ROBO1: variants seen among roughly 807,000 people sequenced by gnomAD.
ROBO1 encodes roundabout guidance receptor 1.
A neutral mutation model predicts 195.9 loss-of-function variants in ROBO1; 149 were observed. The observed-to-expected ratio is 0.76, with a 90% CI of 0.67 to 0.87. The LOEUF (loss-of-function observed/expected upper bound fraction) is 0.87, where lower values mean the gene tolerates loss of function less well. ROBO1 is among the 40% of genes least tolerant of loss of function. ROBO1 has a pLI of 0.00. For synonymous variants in ROBO1, 816 were observed against 733.2 expected (o/e 1.11, Z -1.82); for missense variants, 1,933 against 2,068.3 (o/e 0.93, Z 1.27).
chr3:79,012,513 T>A (rs1212911741), intron 3 of ROBO1, among the ~76,000 whole-genome samples: 1 of 152,208 alleles, frequency 6.6e-6, no homozygotes, highest in African/African-American at 2.4e-5. Context: ...AACAGAATAT[T>A]ATTTTCCGGC....
chr3:79,472,228 C>T (rs1437077530), intron 2 of ROBO1, among the ~76,000 whole-genome samples: 1 of 152,002 alleles, frequency 6.6e-6, no homozygotes, highest in Admixed American at 6.6e-5. Context: ...TCTCTCCCTC[C>T]AACTTCATGG....
chr3:79,519,431 G>A (rs1214543886), intron 2 of ROBO1, among the ~76,000 whole-genome samples: 1 of 151,694 alleles, frequency 6.6e-6, no homozygotes, highest in East Asian at 2.0e-4. Context: ...GAGATCGAGA[G>A]CATCCTGGCC....
At chr3:79,567,601 A>C (rs11918047) in intron 2 of ROBO1, among the ~76,000 whole-genome samples, 36,944 of 152,000 alleles carry the variant, frequency 0.24, 5,139 homozygotes, top group African/African-American at 0.37. Context: ...GTATTGTTAC[A>C]TATTATACCT....
intron 2 of ROBO1, among the ~76,000 whole-genome samples, chr3:79,404,574 T>C (rs997802121): frequency 6.6e-6 from 1 of 152,142 alleles, no homozygotes; most frequent in African/African-American, 2.4e-5. Context: ...GTTGCTTTTA[T>C]GTGTTAAGAG....
chr3:79,612,529 C>A (rs1231681068), intron 1 of ROBO1, among the ~76,000 whole-genome samples: 5 of 151,550 alleles, frequency 3.3e-5, no homozygotes, highest in Non-Finnish European at 7.4e-5. Flanking sequence ...ATTTATAGTC[C>A]TTTGGGTATA....
At chr3:79,167,094 A>G (rs1012191462) in intron 2 of ROBO1, among the ~76,000 whole-genome samples, 1 of 148,840 alleles carries the variant, frequency 6.7e-6, no homozygotes, top group African/African-American at 2.5e-5. Context: ...AGACACAACC[A>G]GTGCCAAACA....
At chr3:79,567,522 G>A (rs185770014) in intron 2 of ROBO1, among the ~76,000 whole-genome samples, 14 of 152,208 alleles carry the variant, frequency 9.2e-5, no homozygotes, top group Non-Finnish European at 1.6e-4. Flanking sequence ...TTGTGCATGT[G>A]CAATCTTTAT....
At chr3:78,657,049 C>T in intron 18 of ROBO1, 49 bp downstream of exon 18, 1 of 1,506,464 alleles carries the variant, frequency 6.6e-7, no homozygotes. Flanking sequence ...CAAAGTGGGA[C>T]ACATGGTAGA....
At chr3:79,646,075 C>T (rs779798139) in intron 1 of ROBO1, among the ~76,000 whole-genome samples, 1 of 151,908 alleles carries the variant, frequency 6.6e-6, no homozygotes, top group African/African-American at 2.4e-5. Flanking sequence ...CAAAGATACA[C>T]GAATGGCATT....
At chr3:79,606,204 A>G (rs969165074) in intron 1 of ROBO1, among the ~76,000 whole-genome samples, 8 of 151,966 alleles carry the variant, frequency 5.3e-5, no homozygotes, top group African/African-American at 1.4e-4. Flanking sequence ...ATAGTAAGAA[A>G]GACTAGAGAT....
intron 1 of ROBO1, among the ~76,000 whole-genome samples, chr3:79,635,754 T>C (rs2108045674): frequency 6.6e-6 from 1 of 151,036 alleles, no homozygotes; most frequent in East Asian, 1.9e-4. Context: ...AAAGGAATGG[T>C]AGAAGCATGA....
intron 3 of ROBO1, among the ~76,000 whole-genome samples, chr3:78,995,206 C>A (rs2077333980): frequency 6.6e-6 from 1 of 152,186 alleles, no homozygotes; most frequent in African/African-American, 2.4e-5. Context: ...TTGCTTCCAA[C>A]ACAAGGCACA....
intron 4 of ROBO1, among the ~76,000 whole-genome samples, chr3:78,919,470 C>A (rs1475189170): frequency 6.6e-6 from 1 of 152,150 alleles, no homozygotes; most frequent in Non-Finnish European, 1.5e-5. Flanking sequence ...CTTGTCACTG[C>A]AAGAAAATGG....
At chr3:78,741,487 G>C (rs1229142252) in intron 5 of ROBO1, among the ~76,000 whole-genome samples, 3 of 152,086 alleles carry the variant, frequency 2.0e-5, no homozygotes, top group Admixed American at 1.3e-4. Flanking sequence ...AATGAGGAAG[G>C]CAATTTTAGT....
intron 2 of ROBO1, among the ~76,000 whole-genome samples, chr3:79,473,048 C>T (rs531295252): frequency 1.3e-5 from 2 of 152,190 alleles, no homozygotes; most frequent in African/African-American, 4.8e-5. Flanking sequence ...ATTGATTCCT[C>T]CAAAAAGATA....
chr3:79,314,373 CCTCATGCTGTT>C (rs2033635215), intron 2 of ROBO1, among the ~76,000 whole-genome samples: 1 of 152,100 alleles, frequency 6.6e-6, no homozygotes, highest in Non-Finnish European at 1.5e-5. Flanking sequence ...GGGAGGTTAC[CCTCATGCTGTT>C]CTCATGATAG....
intron 2 of ROBO1, among the ~76,000 whole-genome samples, chr3:79,261,978 A>G (rs529323781): frequency 6.6e-6 from 1 of 152,166 alleles, no homozygotes; most frequent in Admixed American, 6.6e-5. Context: ...TTTATACTTT[A>G]TCTGAGGGAA....
At chr3:79,044,546 T>C (rs2078553444) in intron 3 of ROBO1, among the ~76,000 whole-genome samples, 1 of 152,074 alleles carries the variant, frequency 6.6e-6, no homozygotes, top group African/African-American at 2.4e-5. Context: ...TACCAACCAA[T>C]AATGTGATAA....
chr3:78,781,806 A>T (rs1453737231), intron 4 of ROBO1, among the ~76,000 whole-genome samples: 1 of 152,216 alleles, frequency 6.6e-6, no homozygotes, highest in Non-Finnish European at 1.5e-5. Flanking sequence ...AGTGCTTAAA[A>T]TTTTAATAAA....
Sources: gnomAD v4.1 joint callset for allele counts (sites outside exome capture counted in the v4.1 genomes callset) on GRCh38, gnomAD v4.1.1 for gene constraint, MANE v1.5 for transcripts, NCBI Gene and HGNC (gene_info 2026-07-23, HGNC 2026-07-21) for gene names.